FNTB: variants seen among roughly 807,000 people sequenced by gnomAD.
FNTB encodes farnesyltransferase, CAAX box, subunit beta, also known as protein farnesyltransferase subunit beta.
FNTB carries 27 observed loss-of-function variants against 59.4 expected under a neutral mutation model. The observed-to-expected ratio is 0.45, with a 90% confidence interval of 0.34 to 0.63. FNTB has a LOEUF of 0.63. Ranked by LOEUF, FNTB falls within the 20% of genes least tolerant of loss-of-function variation. The pLI is 0.02. For synonymous variants in FNTB, 230 were observed against 220.7 expected (o/e 1.04, Z -0.37); for missense variants, 449 against 559.6 (o/e 0.80, Z 1.99).
chr14:65,002,614 A>G (rs991377887), intron 1 of FNTB, among the ~76,000 whole-genome samples: 2 of 150,200 alleles, frequency 1.3e-5, no homozygotes, highest in African/African-American at 4.9e-5. Flanking sequence ...CAAAAAAATA[A>G]TAATAATAAA....
chr14:65,024,775 T>G (rs2061949402), intron 4 of FNTB, among the ~76,000 whole-genome samples: 1 of 152,052 alleles, frequency 6.6e-6, no homozygotes, highest in Non-Finnish European at 1.5e-5. Context: ...CCCCCTACAT[T>G]TGTGGGAAAA....
intron 7 of FNTB, among the ~76,000 whole-genome samples, chr14:65,040,372 AATT>A (rs1278504801): frequency 6.6e-6 from 1 of 150,874 alleles, no homozygotes; most frequent in Non-Finnish European, 1.5e-5. Flanking sequence ...TAATAATTTG[AATT>A]ATTATGTTTC....
At chr14:65,004,671 T>C (rs2061553816) in intron 2 of FNTB, among the ~76,000 whole-genome samples, 1 of 152,022 alleles carries the variant, frequency 6.6e-6, no homozygotes, top group African/African-American at 2.4e-5. Context: ...TCTTTTTCTT[T>C]TTTTTTTTGA....
intron 1 of FNTB, among the ~76,000 whole-genome samples, chr14:65,000,089 G>T (rs536674039): frequency 6.6e-6 from 1 of 152,294 alleles, no homozygotes; most frequent in Admixed American, 6.5e-5. Flanking sequence ...ACATCTAAGT[G>T]CCAGAATGCC....
At chr14:65,055,329 T>G (rs1384008048) in intron 11 of FNTB, among the ~76,000 whole-genome samples, 1 of 152,096 alleles carries the variant, frequency 6.6e-6, no homozygotes, top group Non-Finnish European at 1.5e-5. Flanking sequence ...ATGGAGACTG[T>G]CCCCAGTGAT....
chr14:64,987,632 G>T, intron 1 of FNTB: 1 of 161,660 alleles, frequency 6.2e-6, no homozygotes, highest in South Asian at 1.6e-4. Context: ...GCTACGTGTC[G>T]GACACAATAT....
rs2296321 is a variant in FNTB, at chr14:65,044,248, T to C, written c.823-63T>C. ...ATCCCACAGATTGACTCCTGGAGAT[T>C]CTGTCGGGCTGGATTTTGTCTCTTT... On this transcript the variant is annotated intron_variant, in intron 8 of 11. Coordinates refer to ENST00000246166, the MANE Select transcript of FNTB (RefSeq NM_002028.4). The surrounding 1 kb of genome is among the most constrained non-coding windows in gnomAD (Gnocchi z 5.5). 9,921 of 1,606,608 alleles carry C rather than the reference T, an allele frequency of 6.2e-3. 307 individuals carry two copies. In the East Asian group the frequency reaches 0.11, roughly 17 times the overall value.
At chr14:65,061,066 G>A (rs2062856269) in intron 11 of FNTB, 115 bp from the exon 12 acceptor site, 8 of 1,505,602 alleles carry the variant, frequency 5.3e-6, no homozygotes, top group Admixed American at 2.1e-5. Context: ...GGCTTTGTGT[G>A]TATCTCTGAT....
chr14:65,038,809 T>C lies in FNTB; in HGVS notation c.693-1981T>C, dbSNP rs74860918. 6.0e-3 allele frequency among the ~76,000 whole-genome samples: 919 copies of C among 152,326 alleles called. 33 individuals carry two copies. In the East Asian group the frequency reaches 0.11, roughly 19 times the overall value. On this transcript the variant is annotated intron_variant, in intron 7 of 11. Coordinates refer to ENST00000246166, the MANE Select transcript of FNTB (RefSeq NM_002028.4). ...CTTATACTTTGAGAGATTCTCTTAG[T>C]ATTTATCTTCTAATCCTCTTGTTTT...
At position 65,004,286 on chromosome 14, in the gene FNTB, C is replaced by A. The variant is rs2061548903; in HGVS notation, c.182C>A (p.Ser61Tyr). The A allele has an allele frequency of 1.3e-5, 21 of 1,613,196 alleles. No homozygotes were observed. The highest frequency in any genetic ancestry group is 1.7e-5 in the Non-Finnish European group (20 of 1,179,526). ...VEEKIQEVFS[S>Y]YKFNHLVPRL... is the part of the protein sequence containing the mutation. ...GAAAAGATCCAAGAGGTCTTCAGTTCTTACAAGTTCAACCACCTTGTACCA... is the reference window on the plus strand; with the variant it reads ...GAAAAGATCCAAGAGGTCTTCAGTTATTACAAGTTCAACCACCTTGTACCA... The change falls in exon 2 of 12, where the codon TCT (serine) becomes TAT (tyrosine). Residue 61 changes from serine (S) to tyrosine (Y), a missense_variant. This residue lies in a region of FNTB where 112 missense variants were observed against 80.5 expected (regional missense o/e 1.39). Transcript: ENST00000246166.
intron 4 of FNTB, chr14:65,022,051 G>A (rs755134553): frequency 2.2e-6 from 1 of 456,058 alleles, no homozygotes; most frequent in South Asian, 1.5e-5. Flanking sequence ...TCTGTGAGCA[G>A]CAGAGGCCAC....
chr14:65,015,210 C>T (rs991645741), intron 3 of FNTB, among the ~76,000 whole-genome samples: 1 of 151,244 alleles, frequency 6.6e-6, no homozygotes, highest in African/African-American at 2.4e-5. Flanking sequence ...TCAAGTGATT[C>T]TCCTGCTTCG....
chr14:65,022,027 A>G (rs766619695), intron 4 of FNTB: 2 of 456,060 alleles, frequency 4.4e-6, no homozygotes, highest in South Asian at 3.1e-5. Context: ...GAAGAGTCAA[A>G]TAACACGTCT....
chr14:65,006,064 C>A, intron 2 of FNTB: 1 of 1,441,542 alleles, frequency 6.9e-7, no homozygotes, highest in African/African-American at 1.4e-5. Context: ...TTGAGATCTT[C>A]TAACAGACTA....
In FNTB at chr14:65,044,433, G is replaced by T. The variant is rs770610468; in HGVS notation, c.945G>T (p.Leu315=). 6.2e-7 allele frequency: 1 copy of T among 1,609,546 alleles called. No individual in the cohort carries two copies. Among genetic ancestry groups the T allele is most frequent in the Non-Finnish European group, 8.5e-7 (1 of 1,178,270 alleles). The change falls in exon 9 of 12, where the codon CTG becomes CTT. Residue 315 remains leucine (L), a synonymous_variant. Coordinates refer to ENST00000246166, the MANE Select transcript of FNTB (RefSeq NM_002028.4). The surrounding 1 kb of genome is among the most constrained non-coding windows in gnomAD (Gnocchi z 5.5). ...TCCTGCCCCTGCTCCACCGCGCACT[G>T]CACGCCCAAGGTGAGCCTGGGGAGC... is the stretch of plus-strand genomic sequence containing the variant. ...AGLLPLLHRA[L]HAQGDPALSM...
Position 65,001,154 on chromosome 14 carries a change from T to A in FNTB, c.145-3095T>A, listed in dbSNP as rs978344163. Among the ~76,000 whole-genome samples, 2 of 152,172 alleles carry A rather than the reference T, an allele frequency of 1.3e-5. No individual in the cohort carries two copies. Among genetic ancestry groups the A allele is most frequent in the Non-Finnish European group, 2.9e-5 (2 of 68,038 alleles). On this transcript the variant is annotated intron_variant, in intron 1 of 11. Coordinates refer to ENST00000246166, the MANE Select transcript of FNTB (RefSeq NM_002028.4). The surrounding 1 kb of genome is among the most constrained non-coding windows in gnomAD (Gnocchi z 5.5). ...CTATTTTTCTTTTCTCGATTGCAGT[T>A]ACATTGTACTAGGAGGTATTATAAG...
At position 65,027,874 on chromosome 14, in the gene FNTB, C is replaced by A; in HGVS notation, c.605+93C>A. The A allele has an allele frequency of 6.5e-7, 1 of 1,531,008 alleles. No homozygotes were observed. Among genetic ancestry groups the A allele is most frequent in the Non-Finnish European group, 8.9e-7 (1 of 1,119,762 alleles). The allele number at this position is 1,531,008 out of a possible 1,614,324, so 94.8% of individuals were successfully genotyped here. The stretch of plus-strand genomic sequence containing the variant: ...AAGCCTAAGGAACATCATGGGGAAG[C>A]TGCTGCTTTGTCCCAGAATGACACA... On this transcript the variant is annotated intron_variant, in intron 6 of 11. Transcript: ENST00000246166. The surrounding 1 kb of genome is among the most constrained non-coding windows in gnomAD (Gnocchi z 5.7).
chr14:65,026,723 G>GT (rs1487448580), intron 4 of FNTB, among the ~76,000 whole-genome samples: 1 of 152,062 alleles, frequency 6.6e-6, no homozygotes, highest in Non-Finnish European at 1.5e-5. Flanking sequence ...TTGGCTGGGC[G>GT]TGATGGTGCA....
Position 65,023,478 on chromosome 14 carries a change from A to G in FNTB, c.375-3975A>G, listed in dbSNP as rs530897411. 9.3e-4 allele frequency among the ~76,000 whole-genome samples: 142 copies of G among 152,344 alleles called. 8 individuals carry two copies. The South Asian group carries it at 0.024, about 26-fold the overall frequency. On this transcript the variant is annotated intron_variant, in intron 4 of 11. Transcript: ENST00000246166. This position sits in a 1 kb window ranked among gnomAD's most constrained non-coding sequence, Gnocchi z 4.1. Reference sequence around the variant, plus strand: ...AACTTGACCCTCTTACAAGATTTACATACTCTTTAATGATGGAATGATAAA... The same window carrying G: ...AACTTGACCCTCTTACAAGATTTACGTACTCTTTAATGATGGAATGATAAA...
Sources: allele counts gnomAD v4.1 joint callset (sites outside exome capture counted in the v4.1 genomes callset), GRCh38; gene constraint gnomAD v4.1.1; regional missense constraint gnomAD v4.1.1; non-coding constraint Gnocchi (gnomAD v3.1); transcripts MANE v1.5; gene names NCBI Gene and HGNC (gene_info 2026-07-23, HGNC 2026-07-21).